FBXO22: variants seen among roughly 807,000 people sequenced by gnomAD.
The protein encoded by FBXO22 is F-box only protein 22.
In FBXO22, 13 loss-of-function variants were observed where a neutral mutation model predicts 37.2. The observed-to-expected ratio is 0.35, with a 90% CI of 0.23 to 0.56. The LOEUF (loss-of-function observed/expected upper bound fraction) is 0.56. FBXO22 is among the 20% of genes least tolerant of loss of function. The pLI, the probability that FBXO22 is intolerant of heterozygous loss-of-function variation, is 0.87. For synonymous variants in FBXO22, 189 were observed against 189.1 expected (o/e 1.00, Z 0.00); for missense variants, 446 against 509.9 (o/e 0.87, Z 1.21).
In FBXO22 at chr15:75,940,281, A is replaced by T. The variant is rs530620981; in HGVS notation, c.*7179A>T. 2.6e-5 allele frequency: 4 copies of T among 152,242 alleles called. No homozygotes were observed. In the South Asian group the frequency reaches 8.3e-4, roughly 32 times the overall value. 9.4% of individuals were successfully genotyped at this position (152,242 alleles called of 1,614,324 possible). On this transcript the variant is annotated 3_prime_UTR_variant, in exon 7 of 7. Coordinates refer to ENST00000308275, the MANE Select transcript of FBXO22 (RefSeq NM_147188.3). ...GAATAAAATGCACAGAAATTAGCTTACCCAAGGTGGTAAATGGCTTGTACA... is the reference window on the plus strand; with the variant it reads ...GAATAAAATGCACAGAAATTAGCTTTCCCAAGGTGGTAAATGGCTTGTACA...
chr15:75,932,939 C>A lies in FBXO22; in HGVS notation c.1049C>A (p.Pro350His), dbSNP rs767361655. The A allele has an allele frequency of 6.2e-7, 1 of 1,614,088 alleles. No homozygotes were observed. Among genetic ancestry groups the A allele is most frequent in the African/African-American group, 1.3e-5 (1 of 74,934 alleles). ...GCTGATGCATTTAGAAAGTTTTTTCCTAGTGTTCCCTTATTCGGCTTCTTT... is the reference window on the plus strand; with the variant it reads ...GCTGATGCATTTAGAAAGTTTTTTCATAGTGTTCCCTTATTCGGCTTCTTT... ...VEADAFRKFF[P>H]SVPLFGFFGN... The change falls in exon 7 of 7, where the codon CCT (proline) becomes CAT (histidine). Residue 350 changes from proline to histidine, a missense_variant. Pro to His is a moderately conservative substitution (Grantham distance 77). Around this residue, in one of 2 missense-constraint regions of FBXO22, gnomAD observed 315 missense variants for 410.1 expected, o/e 0.77. Coordinates refer to ENST00000308275, the MANE Select transcript of FBXO22 (RefSeq NM_147188.3).
chr15:75,930,173 T>C, intron 6 of FBXO22, 124 bp downstream of exon 6: 1 of 1,529,598 alleles, frequency 6.5e-7, no homozygotes. Context: ...GTTCATTCCA[T>C]TTTGTAGTAG....
chr15:75,930,203 C>G, intron 6 of FBXO22, 154 bp downstream of exon 6: 1 of 1,467,264 alleles, frequency 6.8e-7, no homozygotes, highest in South Asian at 1.4e-5. Context: ...AAGGGGCTTA[C>G]TGAACATAAT....
At chr15:75,919,771 G>A (rs141629665) in intron 5 of FBXO22, among the ~76,000 whole-genome samples, 1 of 152,290 alleles carries the variant, frequency 6.6e-6, no homozygotes, top group Non-Finnish European at 1.5e-5. Flanking sequence ...AGGGTTCTAA[G>A]TGTCCTTAGC....
intron 5 of FBXO22, among the ~76,000 whole-genome samples, chr15:75,922,721 G>A (rs1042053398): frequency 2.6e-5 from 4 of 152,202 alleles, no homozygotes; most frequent in African/African-American, 9.7e-5. Flanking sequence ...GCCCTCCTGT[G>A]TGGGGAGACA....
chr15:75,925,675 T>TAAAA (rs371276673), intron 5 of FBXO22, among the ~76,000 whole-genome samples: 4 of 137,472 alleles, frequency 2.9e-5, no homozygotes, highest in Non-Finnish European at 6.2e-5. Context: ...AAGCTAGTGT[T>TAAAA]AAAAAAAAAA....
rs1180931028 is a variant in FBXO22 at position 75,930,209 on chromosome 15, A to G, written c.794+160A>G. 2.7e-6 allele frequency: 4 copies of G among 1,456,710 alleles called. No homozygotes were observed. The African/African-American group carries it at 4.3e-5, about 16-fold the overall frequency. 90.2% of individuals were successfully genotyped at this position (1,456,710 alleles called of 1,614,324 possible). Reference sequence around the variant, plus strand: ...ACATTGGCTAAGGGGCTTACTGAACATAATTCTGCTTACGGTTGAATAATT... The same window carrying G: ...ACATTGGCTAAGGGGCTTACTGAACGTAATTCTGCTTACGGTTGAATAATT... On this transcript the variant is annotated intron_variant, in intron 6 of 6. Transcript: ENST00000308275.
At chr15:75,904,364 C>A in intron 1 of FBXO22, 127 bp from the exon 2 acceptor site, 2 of 1,405,850 alleles carry the variant, frequency 1.4e-6, no homozygotes, top group Non-Finnish European at 2.0e-6. Flanking sequence ...CTGACACCTA[C>A]CTACCCCGGG....
At position 75,941,964 on chromosome 15, in the gene FBXO22, T is replaced by C. The variant is rs1435050676; in HGVS notation, c.*8862T>C. On this transcript the variant is annotated 3_prime_UTR_variant, in exon 7 of 7. Coordinates refer to ENST00000308275, the MANE Select transcript of FBXO22 (RefSeq NM_147188.3). ...CCAAAAAAAAAAAAAAAAAAAAATATGGCCTAGCTTTTTTTTTTTTTTTTA... is the reference window on the plus strand; with the variant it reads ...CCAAAAAAAAAAAAAAAAAAAAATACGGCCTAGCTTTTTTTTTTTTTTTTA... 6 of 80,802 alleles carry C rather than the reference T, an allele frequency of 7.4e-5. No homozygotes were observed. The East Asian group carries it at 1.7e-3, about 23-fold the overall frequency. 5.0% of individuals were successfully genotyped at this position (80,802 alleles called of 1,614,324 possible).
intron 2 of FBXO22, chr15:75,910,447 A>C (rs1474172978): frequency 6.6e-6 from 1 of 152,134 alleles, no homozygotes; most frequent in Non-Finnish European, 1.5e-5. Flanking sequence ...CTGACCTTTT[A>C]ATGATCGCCA....
chr15:75,926,808 C>CTT (rs1467790811), intron 5 of FBXO22, among the ~76,000 whole-genome samples: 1 of 152,182 alleles, frequency 6.6e-6, no homozygotes, highest in Non-Finnish European at 1.5e-5. Flanking sequence ...TAAATCTACA[C>CTT]TTTACATAAG....
At chr15:75,922,098 A>G (rs1183281341) in intron 5 of FBXO22, among the ~76,000 whole-genome samples, 1 of 152,208 alleles carries the variant, frequency 6.6e-6, no homozygotes, top group African/African-American at 2.4e-5. Context: ...GTCATTGCCA[A>G]GTATGCATTG....
chr15:75,941,960 A>AAAAAAAAAAAAAAAAAAAAAAC lies in FBXO22; in HGVS notation c.*8859_*8860insAAAAAAAAAAAAAAAAAAAACA, dbSNP rs142812746. The AAAAAAAAAAAAAAAAAAAAAAC allele has an allele frequency of 1.1e-5, 1 of 93,766 alleles. No individual in the cohort carries two copies. The highest frequency in any genetic ancestry group is 2.0e-5 in the Non-Finnish European group (1 of 51,270). 5.8% of individuals were successfully genotyped at this position (93,766 alleles called of 1,614,324 possible). Reference sequence around the variant, plus strand: ...ACCACCAAAAAAAAAAAAAAAAAAAAATATGGCCTAGCTTTTTTTTTTTTT... The same window carrying AAAAAAAAAAAAAAAAAAAAAAC: ...ACCACCAAAAAAAAAAAAAAAAAAAAAAAAAAAAAAAAAAAAAAAAACATATGGCCTAGCTTTTTTTTTTTTT... On this transcript the variant is annotated 3_prime_UTR_variant, in exon 7 of 7. Transcript: ENST00000308275.
chr15:75,904,631 C>A lies in FBXO22; in HGVS notation c.279+2C>A. On this transcript the variant is annotated splice_donor_variant, in intron 2 of 6. Coordinates refer to ENST00000308275, the MANE Select transcript of FBXO22 (RefSeq NM_147188.3). LOFTEE classifies it high-confidence loss of function. ...CGCGTGGTAGCAGAGGAGCTTGAGG[C>A]AAGTAGCAAGGGGTGTCATGCACAG... The A allele has an allele frequency of 6.2e-7, 1 of 1,602,140 alleles. No homozygotes were observed. The highest frequency in any genetic ancestry group is 8.5e-7 in the Non-Finnish European group (1 of 1,172,490).
chr15:75,924,285 ATAT>A (rs1900392590), intron 5 of FBXO22, among the ~76,000 whole-genome samples: 1 of 152,106 alleles, frequency 6.6e-6, no homozygotes, highest in Non-Finnish European at 1.5e-5. Context: ...TACTGCTGTA[ATAT>A]TATTTTGACA....
At chr15:75,929,223 A>G (rs1309382023) in intron 5 of FBXO22, among the ~76,000 whole-genome samples, 2 of 151,932 alleles carry the variant, frequency 1.3e-5, no homozygotes, top group African/African-American at 2.4e-5. Flanking sequence ...TTATGAGGAC[A>G]CTGTCATTGG....
rs1307702264 is a variant in FBXO22, at chr15:75,937,906, A to T, written c.*4804A>T. On this transcript the variant is annotated 3_prime_UTR_variant, in exon 7 of 7. Transcript: ENST00000308275. ...GCAAGAGGTTATGGGTGTAAACATA[A>T]AATAGAACAACTAAGGCCCAGAGGA... The T allele has an allele frequency of 1.3e-5, 2 of 152,114 alleles. No individual in the cohort carries two copies. Among genetic ancestry groups the T allele is most frequent in the Non-Finnish European group, 2.9e-5 (2 of 68,028 alleles). 9.4% of individuals were successfully genotyped at this position (152,114 alleles called of 1,614,324 possible). A position where few individuals can be genotyped will look rare whatever the true frequency, so the allele number is the denominator to read the frequency against.
intron 4 of FBXO22, among the ~76,000 whole-genome samples, chr15:75,914,853 A>AGT (rs1470690510): frequency 6.6e-6 from 1 of 152,174 alleles, no homozygotes; most frequent in Non-Finnish European, 1.5e-5. Flanking sequence ...TCATCAAGGA[A>AGT]GTGGGGATGA....
rs1271552489 is a variant in FBXO22, at chr15:75,940,065, A to G, written c.*6963A>G. On this transcript the variant is annotated 3_prime_UTR_variant, in exon 7 of 7. Transcript: ENST00000308275. The stretch of plus-strand genomic sequence containing the variant: ...TGGAAAGTAAGAAGTAAAATCCTAT[A>G]TGTTCACAAATGATATGATCTTTAG... 1 of 151,690 alleles carries G rather than the reference A, an allele frequency of 6.6e-6. No individual in the cohort carries two copies. Among genetic ancestry groups the G allele is most frequent in the South Asian group, 2.1e-4 (1 of 4,808 alleles). 9.4% of individuals were successfully genotyped at this position (151,690 alleles called of 1,614,324 possible). A position where few individuals can be genotyped will look rare whatever the true frequency, so the allele number is the denominator to read the frequency against.
Sources: allele counts gnomAD v4.1 joint callset (sites outside exome capture counted in the v4.1 genomes callset), GRCh38; gene constraint gnomAD v4.1.1; regional missense constraint gnomAD v4.1.1; transcripts MANE v1.5; gene names NCBI Gene and HGNC (gene_info 2026-07-23, HGNC 2026-07-21).